The following DNAL1 variants were observed in gnomAD, a reference collection of about 807,000 sequenced individuals.
DNAL1 encodes chromosome 14 open reading frame 168.
Under a neutral mutation model 29.4 loss-of-function variants are expected in DNAL1, and 17 were observed. That is an observed-to-expected ratio of 0.58 (90% confidence interval 0.40 to 0.87). The LOEUF (loss-of-function observed/expected upper bound fraction) is 0.87, where lower values mean the gene tolerates loss of function less well. DNAL1 is among the 40% of genes least tolerant of loss of function. The pLI is 0.00. For synonymous variants in DNAL1, 78 were observed against 76.3 expected, an observed-to-expected ratio of 1.02 and a Z score of -0.12; for missense variants, 188 against 214.1, an observed-to-expected ratio of 0.88 and a Z score of 0.76.
intron 4 of DNAL1, among the ~76,000 whole-genome samples, chr14:73,665,564 G>T (rs1891457474): frequency 6.6e-6 from 1 of 152,142 alleles, no homozygotes; most frequent in South Asian, 2.1e-4. Context: ...GCCGAGGCGG[G>T]TGGATCACCT....
intron 4 of DNAL1, among the ~76,000 whole-genome samples, chr14:73,667,597 C>T (rs529865535): frequency 2.0e-5 from 3 of 152,284 alleles, no homozygotes; most frequent in African/African-American, 7.2e-5. Context: ...CTCCTGGGCT[C>T]AAGCGATCCT....
intron 5 of DNAL1, among the ~76,000 whole-genome samples, chr14:73,673,469 C>T (rs1212424190): frequency 6.6e-6 from 1 of 152,172 alleles, no homozygotes; most frequent in African/African-American, 2.4e-5. Context: ...TGCTATCTGG[C>T]TGAACTATCA....
intron 5 of DNAL1, among the ~76,000 whole-genome samples, chr14:73,682,794 C>T (rs1016243610): frequency 6.6e-6 from 1 of 151,878 alleles, no homozygotes; most frequent in Non-Finnish European, 1.5e-5. Flanking sequence ...CACATGGAGC[C>T]ACCATTTCGT....
chr14:73,659,162 T>A (rs1238075007), intron 3 of DNAL1, among the ~76,000 whole-genome samples: 3 of 59,114 alleles, frequency 5.1e-5, no homozygotes, highest in Admixed American at 1.5e-4. Flanking sequence ...TATAGTACAA[T>A]TTTTTTTTTT....
At chr14:73,665,851 C>T (rs1393677390) in intron 4 of DNAL1, among the ~76,000 whole-genome samples, 1 of 151,674 alleles carries the variant, frequency 6.6e-6, no homozygotes, top group Admixed American at 6.6e-5. Context: ...GTAGGGCTGG[C>T]AGTGGGTTTT....
intron 7 of DNAL1, among the ~76,000 whole-genome samples, chr14:73,695,447 T>A (rs1892280317): frequency 6.6e-6 from 1 of 152,148 alleles, no homozygotes; most frequent in South Asian, 2.1e-4. Flanking sequence ...CCTGAGAAGC[T>A]TTTCAGATAA....
At chr14:73,658,123 A>T (rs1352806954) in intron 2 of DNAL1, among the ~76,000 whole-genome samples, 1 of 152,040 alleles carries the variant, frequency 6.6e-6, no homozygotes, top group African/African-American at 2.4e-5. Flanking sequence ...CTGCATTTGG[A>T]TATCCAATTT....
chr14:73,664,676 C>A (rs778883910), intron 4 of DNAL1, among the ~76,000 whole-genome samples: 1 of 151,982 alleles, frequency 6.6e-6, no homozygotes, highest in Non-Finnish European at 1.5e-5. Flanking sequence ...CGAGACCAGC[C>A]TGGGCAACAT....
At chr14:73,651,581 G>A (rs1400535994) in intron 1 of DNAL1, among the ~76,000 whole-genome samples, 2 of 152,060 alleles carry the variant, frequency 1.3e-5, no homozygotes, top group Non-Finnish European at 2.9e-5. Context: ...TGACAGTTTT[G>A]ACACTTTTAT....
At chr14:73,689,805 G>A (rs1430408498) in intron 7 of DNAL1, among the ~76,000 whole-genome samples, 2 of 152,170 alleles carry the variant, frequency 1.3e-5, no homozygotes, top group Non-Finnish European at 2.9e-5. Flanking sequence ...GGAGGCTGAG[G>A]CGGGTGGATC....
At chr14:73,669,649 C>G (rs926634668) in intron 4 of DNAL1, among the ~76,000 whole-genome samples, 2 of 151,956 alleles carry the variant, frequency 1.3e-5, no homozygotes, top group South Asian at 4.1e-4. Flanking sequence ...AGGCTGGTCT[C>G]GAACTTCTGG....
intron 5 of DNAL1, among the ~76,000 whole-genome samples, chr14:73,672,472 G>C (rs1467040619): frequency 6.6e-6 from 1 of 151,660 alleles, no homozygotes; most frequent in East Asian, 2.0e-4. Context: ...GCTGGGTGTG[G>C]TGGCGGGCGC....
intron 6 of DNAL1, among the ~76,000 whole-genome samples, chr14:73,688,451 T>TAAAAATAC (rs1256109511): frequency 6.6e-6 from 1 of 151,876 alleles, no homozygotes; most frequent in Non-Finnish European, 1.5e-5. Context: ...TTTTTTTTTG[T>TAAAAATAC]AAAAATACAA....
chr14:73,674,608 C>T (rs1021194198), intron 5 of DNAL1, among the ~76,000 whole-genome samples: 2 of 152,158 alleles, frequency 1.3e-5, no homozygotes, highest in Non-Finnish European at 2.9e-5. Flanking sequence ...GTAGTACAAT[C>T]ACAGCTCATT....
chr14:73,669,305 T>C (rs1891562074), intron 4 of DNAL1, among the ~76,000 whole-genome samples: 3 of 151,508 alleles, frequency 2.0e-5, no homozygotes, highest in Admixed American at 2.0e-4. Flanking sequence ...TGAGAGGGAA[T>C]CTTGCTCTGT....
In DNAL1 at chr14:73,649,314, G is replaced by A. The variant is rs1213215898; in HGVS notation, c.3+4272G>A. ...TTTTTTTTTTTTGAGACGGAGTCTC[G>A]CTCTGTCGCCAGGGCTGGAGTGCAG... On this transcript the variant is annotated intron_variant, in intron 1 of 7. Coordinates refer to ENST00000553645, the MANE Select transcript of DNAL1 (RefSeq NM_031427.4). Among the ~76,000 whole-genome samples the A allele has an allele frequency of 4.1e-5, 6 of 144,922 alleles. No homozygotes were observed. In the South Asian group the frequency reaches 1.1e-3, roughly 26 times the overall value.
At chr14:73,657,794 C>T (rs1467552424) in intron 2 of DNAL1, among the ~76,000 whole-genome samples, 1 of 152,174 alleles carries the variant, frequency 6.6e-6, no homozygotes, top group African/African-American at 2.4e-5. Context: ...AGTGTTTCAC[C>T]ATGTCAGCCA....
intron 7 of DNAL1, among the ~76,000 whole-genome samples, chr14:73,695,664 G>C (rs1892284504): frequency 6.6e-6 from 1 of 151,648 alleles, no homozygotes; most frequent in South Asian, 2.1e-4. Flanking sequence ...CAAGTAACTG[G>C]GATTACAACC....
At chr14:73,645,514 C>T (rs1341644602) in intron 1 of DNAL1, among the ~76,000 whole-genome samples, 1 of 152,140 alleles carries the variant, frequency 6.6e-6, no homozygotes, top group East Asian at 1.9e-4. Flanking sequence ...ACTACGAGGG[C>T]AGTTATTAGG....
Sources: gnomAD v4.1 joint callset for allele counts (sites outside exome capture counted in the v4.1 genomes callset) on GRCh38, gnomAD v4.1.1 for gene constraint, MANE v1.5 for transcripts, NCBI Gene and HGNC (gene_info 2026-07-23, HGNC 2026-07-21) for gene names.